PCDH15: variants seen among roughly 807,000 people sequenced by gnomAD.
PCDH15 encodes protocadherin related 15.
A neutral mutation model predicts 178.5 loss-of-function variants in PCDH15; 129 were observed. The ratio of observed to expected loss-of-function variants is 0.72; its 90% CI spans 0.63 to 0.84. PCDH15 has a LOEUF of 0.84. PCDH15 is among the 40% of genes least tolerant of loss of function. The pLI, the probability that PCDH15 is intolerant of heterozygous loss-of-function variation, is 0.00. For missense variants in PCDH15, 2,230 were observed against 2,099.9 expected (o/e 1.06, Z -1.21); for synonymous variants, 800 against 732.0 (o/e 1.09, Z -1.50).
At position 55,579,848 on chromosome 10, in the gene PCDH15, G is replaced by GTTTTTGT. The variant is rs1216587977; in HGVS notation, c.-156+47770_-156+47776dup. On this transcript the variant is annotated intron_variant, in intron 2 of 5. Coordinates refer to the PCDH15 transcript ENST00000613346. ...TTATGTTTTTTATTTGTTTTTTGTT[G>GTTTTTGT]TTTTTGTTTTTTGTTTTTTGTTTTT... Among the ~76,000 whole-genome samples the GTTTTTGT allele has an allele frequency of 3.0e-4, 45 of 151,724 alleles. No homozygotes were observed. The East Asian group carries it at 3.3e-3, about 11-fold the overall frequency.
At chr10:53,854,579 A>G (rs534370405) in intron 28 of PCDH15, among the ~76,000 whole-genome samples, 1 of 152,122 alleles carries the variant, frequency 6.6e-6, no homozygotes, top group Non-Finnish European at 1.5e-5. Context: ...GAGGTTACAG[A>G]GCTGTAATAG....
intron 35 of PCDH15, among the ~76,000 whole-genome samples, chr10:53,814,245 C>T (rs1038530998): frequency 6.6e-6 from 1 of 151,990 alleles, no homozygotes; most frequent in Non-Finnish European, 1.5e-5. Context: ...AAAATAACTT[C>T]AAACAGTTTT....
chr10:54,386,211 T>A (rs1420726869), intron 3 of PCDH15, among the ~76,000 whole-genome samples: 1 of 150,532 alleles, frequency 6.6e-6, no homozygotes, highest in African/African-American at 2.4e-5. Context: ...AGAATTGTTT[T>A]GGGCCACACA....
intron 1 of PCDH15, among the ~76,000 whole-genome samples, chr10:55,247,341 G>C (rs1205106669): frequency 6.6e-6 from 1 of 152,138 alleles, no homozygotes; most frequent in African/African-American, 2.4e-5. Context: ...TTTATTTAAT[G>C]TAAATTCACA....
intron 1 of PCDH15, among the ~76,000 whole-genome samples, chr10:54,737,448 A>G (rs528929289): frequency 1.3e-5 from 2 of 152,262 alleles, no homozygotes; most frequent in South Asian, 4.1e-4. Flanking sequence ...AATGCTCACA[A>G]TATAGGTGAG....
intron 2 of PCDH15, among the ~76,000 whole-genome samples, chr10:55,086,428 T>G (rs1253858522): frequency 1.3e-5 from 2 of 152,030 alleles, no homozygotes; most frequent in Non-Finnish European, 2.9e-5. Flanking sequence ...TAGTCAAAAA[T>G]TATCACTATA....
At chr10:54,067,740 A>G (rs1484145441) in intron 17 of PCDH15, among the ~76,000 whole-genome samples, 1 of 143,602 alleles carries the variant, frequency 7.0e-6, no homozygotes, top group Non-Finnish European at 1.6e-5. Context: ...CTGGTATGCT[A>G]TGGTATTAAA....
At chr10:54,514,637 T>A (rs2137897224) in intron 3 of PCDH15, among the ~76,000 whole-genome samples, 1 of 150,064 alleles carries the variant, frequency 6.7e-6, no homozygotes. Context: ...TTGAAATAAT[T>A]GCTTTTCTCC....
chr10:54,392,650 G>A (rs747467960), intron 3 of PCDH15, among the ~76,000 whole-genome samples: 3 of 151,530 alleles, frequency 2.0e-5, no homozygotes, highest in African/African-American at 7.3e-5. Flanking sequence ...TGTAATCCCA[G>A]CACTTTGGGA....
At chr10:54,431,572 G>A (rs1956973396) in intron 3 of PCDH15, among the ~76,000 whole-genome samples, 1 of 152,048 alleles carries the variant, frequency 6.6e-6, no homozygotes, top group Non-Finnish European at 1.5e-5. Context: ...ATGATAAAAT[G>A]TCTCAACAAA....
At chr10:55,305,411 T>C (rs1466128219) in intron 1 of PCDH15, among the ~76,000 whole-genome samples, 1 of 152,226 alleles carries the variant, frequency 6.6e-6, no homozygotes, top group Admixed American at 6.5e-5. Flanking sequence ...GGACATCTGA[T>C]GGCTCAGAGG....
chr10:54,063,882 C>A (rs1219081813), intron 18 of PCDH15, among the ~76,000 whole-genome samples: 1 of 152,164 alleles, frequency 6.6e-6, no homozygotes. Flanking sequence ...TGTGAGCACC[C>A]GCGTCTGGAT....
chr10:54,385,761 A>T (rs910655248), intron 3 of PCDH15, among the ~76,000 whole-genome samples: 2 of 152,190 alleles, frequency 1.3e-5, no homozygotes, highest in African/African-American at 4.8e-5. Context: ...AAAATCAAAT[A>T]AACTAACTAA....
At chr10:54,870,430 C>T (rs1197496019) in intron 3 of PCDH15, among the ~76,000 whole-genome samples, 2 of 152,090 alleles carry the variant, frequency 1.3e-5, no homozygotes, top group Non-Finnish European at 2.9e-5. Flanking sequence ...GTTCTTGATA[C>T]TTATTTGAGA....
intron 1 of PCDH15, among the ~76,000 whole-genome samples, chr10:55,229,758 A>C (rs1373210712): frequency 6.6e-6 from 1 of 152,136 alleles, no homozygotes; most frequent in Non-Finnish European, 1.5e-5. Context: ...TCTTTCATGT[A>C]AATGAGAAAT....
At chr10:54,187,767 A>T (rs567241131) in intron 11 of PCDH15, among the ~76,000 whole-genome samples, 4 of 152,006 alleles carry the variant, frequency 2.6e-5, no homozygotes, top group African/African-American at 9.6e-5. Context: ...TATAACATTT[A>T]CATTTATGTA....
chr10:55,222,542 GT>G (rs1840907327), intron 1 of PCDH15, among the ~76,000 whole-genome samples: 1 of 151,074 alleles, frequency 6.6e-6, no homozygotes, highest in African/African-American at 2.4e-5. Context: ...TTTGTTCATT[GT>G]TTATTTTCTT....
At chr10:55,544,958 C>G (rs1284194309) in intron 2 of PCDH15, among the ~76,000 whole-genome samples, 1 of 152,070 alleles carries the variant, frequency 6.6e-6, no homozygotes, top group Non-Finnish European at 1.5e-5. Flanking sequence ...AACCTTGGAA[C>G]CAGAAAACTT....
intron 8 of PCDH15, among the ~76,000 whole-genome samples, chr10:54,288,414 G>A (rs563879701): frequency 5.3e-5 from 8 of 152,308 alleles, no homozygotes; most frequent in Non-Finnish European, 7.3e-5. Context: ...GAAGATGGCT[G>A]AATAGGAACA....
Sources: allele counts gnomAD v4.1 joint callset (sites outside exome capture counted in the v4.1 genomes callset), GRCh38; gene constraint gnomAD v4.1.1; transcripts MANE v1.5; gene names NCBI Gene and HGNC (gene_info 2026-07-23, HGNC 2026-07-21).